The following HYDIN variants were observed in gnomAD, a reference collection of about 807,000 sequenced individuals.
HYDIN encodes the protein axonemal central pair apparatus protein HYDIN.
In HYDIN, 132 loss-of-function variants were observed where a neutral mutation model predicts 403.9. The observed-to-expected ratio is 0.33, with a 90% CI of 0.28 to 0.38. HYDIN has a LOEUF of 0.38. HYDIN is among the 10% of genes least tolerant of loss of function. HYDIN has a pLI of 1.00. For synonymous variants in HYDIN, 1,202 were observed against 1,891.7 expected (o/e 0.64, Z 9.46); for missense variants, 2,827 against 5,009.5 (o/e 0.56, Z 13.15).
At chr16:71,100,651 T>C (rs888807167) in intron 10 of HYDIN, among the ~76,000 whole-genome samples, 1 of 152,234 alleles carries the variant, frequency 6.6e-6, no homozygotes, top group African/African-American at 2.4e-5. Flanking sequence ...GAAAGATGGC[T>C]ACATAGTGTA....
rs566101298 is a variant in HYDIN, at chr16:71,153,511, C to T, written c.717-728G>A. On this transcript the variant is annotated intron_variant, in intron 6 of 85. Transcript: ENST00000393567. ...GGCTGCCTTATGGGGAGCAAGGAGA[C>T]GTAGCCAAGGGAGACAGCAGCCCAG... 3.2e-4 allele frequency among the ~76,000 whole-genome samples: 49 copies of T among 152,122 alleles called. No individual in the cohort carries two copies. In the East Asian group the frequency reaches 6.8e-3, roughly 21 times the overall value.
rs563178269 is a variant in HYDIN, at chr16:71,205,469, C to T, written c.-23-18551G>A. On this transcript the variant is annotated intron_variant, in intron 1 of 85. Transcript: ENST00000393567. ...CATCCCCAACACTTATAGAATGAGG[C>T]AGAGAGCCACCCCAGCATTTTGCAG... is the stretch of plus-strand genomic sequence containing the variant. Among the ~76,000 whole-genome samples the T allele has an allele frequency of 2.6e-5, 4 of 152,292 alleles. No homozygotes were observed. In the East Asian group the frequency reaches 7.7e-4, roughly 29 times the overall value.
rs370482819 is a variant in HYDIN, at chr16:70,862,126, G to T, written c.11699C>A (p.Pro3900Gln). 4 of 1,611,944 alleles carry T rather than the reference G, an allele frequency of 2.5e-6. No individual in the cohort carries two copies. Among genetic ancestry groups the T allele is most frequent in the Admixed American group, 3.4e-5 (2 of 59,698 alleles). The change falls in exon 69 of 86, where the codon CCG becomes CAG. Residue 3900 changes from proline to glutamine, a missense_variant. Pro to Gln is a moderately conservative substitution (Grantham distance 76). Transcript: ENST00000393567. The stretch of plus-strand genomic sequence containing the variant: ...TTTGAACTTCTGAATCTTCCCCACC[G>T]GCACGATTCCCGAAGAGGGCTCCAC... The part of the protein sequence containing the change: ...FSVEPSSGIV[P>Q]VGKIQKFKVK...
chr16:70,840,455 A>G (rs1045265384), intron 75 of HYDIN, among the ~76,000 whole-genome samples: 31 of 152,152 alleles, frequency 2.0e-4, no homozygotes, highest in African/African-American at 7.2e-4. Context: ...TCTTGCAGCA[A>G]TGATTCAGCT....
At chr16:71,181,344 T>C (rs2086896613) in intron 3 of HYDIN, among the ~76,000 whole-genome samples, 1 of 152,046 alleles carries the variant, frequency 6.6e-6, no homozygotes, top group African/African-American at 2.4e-5. Context: ...ATGATAATTA[T>C]ATTATTACAT....
chr16:71,066,027 C>T (rs1454227759), intron 15 of HYDIN, among the ~76,000 whole-genome samples: 1 of 152,126 alleles, frequency 6.6e-6, no homozygotes, highest in Non-Finnish European at 1.5e-5. Context: ...TAATCCTTTA[C>T]TACCTGAAAT....
In HYDIN at chr16:71,069,275, C is replaced by T. The variant is rs765185117; in HGVS notation, c.1966G>A (p.Ala656Thr). Reference protein sequence around the residue: ...CGTIRPQGFAAIRVTLCSNTV... With the variant: ...CGTIRPQGFATIRVTLCSNTV... The stretch of plus-strand genomic sequence containing the variant: ...AAGGCCATGCACTTTACCCTGATAG[C>T]AGCAAATCCCTGGGGGCGAATGGTG... The change falls in exon 14 of 86, where the codon GCT (alanine) becomes ACT (threonine). Residue 656 changes from alanine (A) to threonine (T), a missense_variant. By Grantham distance (58) the Ala-to-Thr change is moderately conservative. Coordinates refer to ENST00000393567, the MANE Select transcript of HYDIN (RefSeq NM_001270974.2). The T allele has an allele frequency of 1.2e-6, 2 of 1,612,746 alleles. No individual in the cohort carries two copies. Among genetic ancestry groups the T allele is most frequent in the South Asian group, 2.2e-5 (2 of 90,950 alleles).
chr16:70,837,720 G>C lies in HYDIN; in HGVS notation c.13212C>G (p.Val4404=). The C allele has an allele frequency of 6.2e-7, 1 of 1,613,838 alleles. No homozygotes were observed. Among genetic ancestry groups the C allele is most frequent in the Non-Finnish European group, 8.5e-7 (1 of 1,179,836 alleles). The change falls in exon 77 of 86, where the codon GTC becomes GTG. Residue 4404 remains valine (V), a synonymous_variant. Transcript: ENST00000393567. ...TTTTGGTACCCTTCCCTTTGATTTC[G>C]ACTGTTTGTTGTGAGAGCCCATTGA... ...FEINGLSQQT[V]EIKGKGTKMK...
At chr16:70,847,677 T>C (rs2038310240) in intron 75 of HYDIN, among the ~76,000 whole-genome samples, 1 of 152,020 alleles carries the variant, frequency 6.6e-6, no homozygotes, top group Non-Finnish European at 1.5e-5. Context: ...CTCCGAAGTT[T>C]CTAATGAGAA....
At chr16:70,896,242 C>CT (rs1165138603) in intron 53 of HYDIN, among the ~76,000 whole-genome samples, 162 bp from the exon 54 acceptor site, 1 of 151,808 alleles carries the variant, frequency 6.6e-6, no homozygotes, top group Admixed American at 6.6e-5. Flanking sequence ...TTGTGCTCCT[C>CT]TTAATACTCT....
Position 70,907,456 on chromosome 16 carries a change from G to A in HYDIN, c.8432C>T (p.Thr2811Ile), listed in dbSNP as rs1316299963. 3 of 591,926 alleles carry A rather than the reference G, an allele frequency of 5.1e-6. No homozygotes were observed. In the South Asian group the frequency reaches 6.1e-5, roughly 12 times the overall value. 36.7% of individuals were successfully genotyped at this position (591,926 alleles called of 1,614,324 possible). Residue 2811 changes from threonine (T) to isoleucine (I), a missense_variant, in exon 50 of 86, where the codon ACA (threonine) becomes ATA (isoleucine). Transcript: ENST00000393567. Reference sequence around the variant, plus strand: ...ATACTTCTTAAAGATGACCTCATTTGTCTTCATGTCCATCTTCCGCTGAGG... The same window carrying A: ...ATACTTCTTAAAGATGACCTCATTTATCTTCATGTCCATCTTCCGCTGAGG... ...VFPQRKMDMK[T>I]NEVIFKKYVM...
chr16:71,027,103 C>A lies in HYDIN; in HGVS notation c.3042+499G>T, dbSNP rs1004442841. On this transcript the variant is annotated intron_variant, in intron 20 of 85. Coordinates refer to ENST00000393567, the MANE Select transcript of HYDIN (RefSeq NM_001270974.2). ...GATCATGTAAATAAAAGCAGGGAAT[C>A]AGAGTTGCTGAAGATAAATGTGGCT... 4.9e-6 allele frequency: 5 copies of A among 1,022,296 alleles called. No homozygotes were observed. In the African/African-American group the frequency reaches 7.0e-5, roughly 14 times the overall value. 63.3% of individuals were successfully genotyped at this position (1,022,296 alleles called of 1,614,324 possible). A position where few individuals can be genotyped will look rare whatever the true frequency, so the allele number is the denominator to read the frequency against.
At position 70,908,525 on chromosome 16, in the gene HYDIN, G is replaced by A. The variant is rs542877252; in HGVS notation, c.8214-91C>T. On this transcript the variant is annotated intron_variant, in intron 48 of 85. Coordinates refer to ENST00000393567, the MANE Select transcript of HYDIN (RefSeq NM_001270974.2). ...GCTGCCTGGAAGTCCTGTCCTGTTGGGGTGGGCATGGTGGCCCCTGGAGCC... is the reference window on the plus strand; with the variant it reads ...GCTGCCTGGAAGTCCTGTCCTGTTGAGGTGGGCATGGTGGCCCCTGGAGCC... The A allele has an allele frequency of 7.3e-6, 11 of 1,501,594 alleles. No individual in the cohort carries two copies. In the East Asian group the frequency reaches 2.7e-4, roughly 36 times the overall value. 93.0% of individuals were successfully genotyped at this position (1,501,594 alleles called of 1,614,324 possible).
chr16:70,976,406 T>C (rs1445871727), intron 30 of HYDIN, among the ~76,000 whole-genome samples: 1 of 151,836 alleles, frequency 6.6e-6, no homozygotes, highest in African/African-American at 2.4e-5. Context: ...GTTTTTAATT[T>C]TATTTCCTCA....
chr16:70,915,900 C>G (rs1203349550), intron 47 of HYDIN, among the ~76,000 whole-genome samples: 1 of 151,850 alleles, frequency 6.6e-6, no homozygotes, highest in African/African-American at 2.4e-5. Flanking sequence ...TCTGCTGAGT[C>G]GTGCAGGTTG....
At chr16:71,198,678 C>T (rs1169487748) in intron 1 of HYDIN, among the ~76,000 whole-genome samples, 1 of 152,124 alleles carries the variant, frequency 6.6e-6, no homozygotes, top group East Asian at 1.9e-4. Flanking sequence ...AAGTGAGACT[C>T]CATCTGCCTT....
chr16:70,965,580 T>C (rs2078547995), intron 36 of HYDIN, among the ~76,000 whole-genome samples: 1 of 152,244 alleles, frequency 6.6e-6, no homozygotes, highest in Non-Finnish European at 1.5e-5. Context: ...GTATGTGTAT[T>C]TATAAGACAC....
At chr16:71,145,247 T>C (rs1413079025) in intron 7 of HYDIN, among the ~76,000 whole-genome samples, 1 of 151,834 alleles carries the variant, frequency 6.6e-6, no homozygotes, top group Non-Finnish European at 1.5e-5. Context: ...AACTTTTCTA[T>C]GAATGATTAA....
chr16:71,130,549 G>A (rs1230873341), intron 8 of HYDIN, among the ~76,000 whole-genome samples: 8 of 140,762 alleles, frequency 5.7e-5, no homozygotes, highest in African/African-American at 1.3e-4. Context: ...CTGCAGTGGC[G>A]CAATCTCGGC....
Sources: allele counts gnomAD v4.1 joint callset (sites outside exome capture counted in the v4.1 genomes callset), GRCh38; gene constraint gnomAD v4.1.1; transcripts MANE v1.5; gene names NCBI Gene and HGNC (gene_info 2026-07-23, HGNC 2026-07-21).